RNF175: variants seen among roughly 807,000 people sequenced by gnomAD.
The protein encoded by RNF175 is ring finger protein 175.
A neutral mutation model predicts 50.0 loss-of-function variants in RNF175; 38 were observed. That is an observed-to-expected ratio of 0.76 (90% CI 0.59 to 1.00). RNF175 has a LOEUF of 1.00. Among genes scored for constraint, RNF175 ranks in the 50% least tolerant of loss-of-function variants. The pLI, the probability that RNF175 is intolerant of heterozygous loss-of-function variation, is 0.00. For missense variants in RNF175, 388 were observed against 409.6 expected, an observed-to-expected ratio of 0.95 and a Z score of 0.46; for synonymous variants, 155 against 146.1, an observed-to-expected ratio of 1.06 and a Z score of -0.44.
intron 2 of RNF175, 73 bp from the exon 3 acceptor site, chr4:153,748,859 A>G: frequency 7.2e-7 from 1 of 1,384,394 alleles, no homozygotes; most frequent in Non-Finnish European, 9.7e-7. Context: ...ACAAAAAACA[A>G]AAAACAAAAA....
chr4:153,756,936 C>A (rs747319610), intron 1 of RNF175, among the ~76,000 whole-genome samples: 22 of 152,320 alleles, frequency 1.4e-4, no homozygotes, highest in Non-Finnish European at 2.2e-4. Flanking sequence ...GCTCTCTTCC[C>A]TCTTCAAACA....
chr4:153,759,530 T>C (rs1185192022), intron 1 of RNF175, among the ~76,000 whole-genome samples: 3 of 151,262 alleles, frequency 2.0e-5, no homozygotes, highest in Admixed American at 6.6e-5. Flanking sequence ...AGAAGAGGGA[T>C]GGAGCGAAGG....
intron 5 of RNF175, among the ~76,000 whole-genome samples, chr4:153,721,760 A>G (rs1369916279): frequency 1.3e-5 from 2 of 152,162 alleles, no homozygotes; most frequent in Admixed American, 6.6e-5. Context: ...TAATCTGGGA[A>G]CAGCTATCGT....
intron 4 of RNF175, among the ~76,000 whole-genome samples, chr4:153,726,071 GTA>G (rs1305601891): frequency 9.7e-5 from 13 of 134,476 alleles, no homozygotes; most frequent in Middle Eastern, 3.8e-3. Context: ...GCTAGTGTGT[GTA>G]TGTGTGTGTG....
chr4:153,711,328 GACT>G (rs1258870226), intron 8 of RNF175, among the ~76,000 whole-genome samples: 3 of 151,894 alleles, frequency 2.0e-5, no homozygotes, highest in Non-Finnish European at 4.4e-5. Context: ...GAGTGGCACT[GACT>G]CACCGAGAAA....
chr4:153,721,047 A>C (rs1450310377), intron 5 of RNF175, among the ~76,000 whole-genome samples: 1 of 152,234 alleles, frequency 6.6e-6, no homozygotes, highest in Non-Finnish European at 1.5e-5. Flanking sequence ...CACATCTTGA[A>C]GCCCTTGATT....
Position 153,723,433 on chromosome 4 carries a change from T to C in RNF175, c.427A>G (p.Ile143Val). The C allele has an allele frequency of 6.2e-7, 1 of 1,601,274 alleles. No individual in the cohort carries two copies. Among genetic ancestry groups the C allele is most frequent in the South Asian group, 1.1e-5 (1 of 90,212 alleles). Residue 143 changes from isoleucine to valine, a missense_variant, in exon 5 of 9, where the codon ATC (isoleucine) becomes GTC (valine). By Grantham distance (29) the Ile-to-Val change is conservative. Coordinates refer to ENST00000347063, the MANE Select transcript of RNF175 (RefSeq NM_173662.4). ...CCAAATGCATAGCTGAGTTTGTAGATCAAAAGAAACCATTTGTAGACCAAT... is the reference window on the plus strand; with the variant it reads ...CCAAATGCATAGCTGAGTTTGTAGACCAAAAGAAACCATTTGTAGACCAAT... ...PRLVYKWFLL[I>V]YKLSYAFGVV...
At chr4:153,723,071 G>A (rs966624760) in intron 5 of RNF175, 1 of 211,258 alleles carries the variant, frequency 4.7e-6, no homozygotes. Flanking sequence ...AATTACTCTA[G>A]CACAATTGTA....
intron 3 of RNF175, among the ~76,000 whole-genome samples, chr4:153,738,778 A>C (rs2127141996): frequency 6.6e-6 from 1 of 152,262 alleles, no homozygotes; most frequent in Admixed American, 6.5e-5. Flanking sequence ...TATTTGTTGC[A>C]CTTGTTCCTT....
chr4:153,750,465 TCA>T (rs1740226539), intron 2 of RNF175, among the ~76,000 whole-genome samples: 2 of 152,206 alleles, frequency 1.3e-5, no homozygotes, highest in African/African-American at 4.8e-5. Context: ...CTGCTCAAGT[TCA>T]GTTTCTTTGA....
chr4:153,737,022 C>A (rs915622241), intron 3 of RNF175, among the ~76,000 whole-genome samples: 18 of 152,198 alleles, frequency 1.2e-4, no homozygotes, highest in Middle Eastern at 3.4e-3. Context: ...TGATGCCTGG[C>A]TAATTTTCAA....
At chr4:153,723,184 CCTTT>C in intron 5 of RNF175, 163 bp downstream of exon 5, 1 of 416,502 alleles carries the variant, frequency 2.4e-6, no homozygotes, top group Non-Finnish European at 4.4e-6. Flanking sequence ...TTCTTTCTTC[CCTTT>C]CTATTGGTTT....
At chr4:153,721,608 T>C (rs1225252869) in intron 5 of RNF175, among the ~76,000 whole-genome samples, 1 of 152,196 alleles carries the variant, frequency 6.6e-6, no homozygotes, top group East Asian at 1.9e-4. Context: ...AACACACTTG[T>C]GGCTCCCTAG....
intron 4 of RNF175, among the ~76,000 whole-genome samples, chr4:153,726,945 A>C (rs1230370675): frequency 6.6e-6 from 1 of 152,228 alleles, no homozygotes; most frequent in East Asian, 1.9e-4. Context: ...CAAGCCATAA[A>C]GGGTAATGAG....
At chr4:153,758,085 A>G (rs1240287704) in intron 1 of RNF175, among the ~76,000 whole-genome samples, 1 of 152,132 alleles carries the variant, frequency 6.6e-6, no homozygotes, top group East Asian at 1.9e-4. Flanking sequence ...ACACACATAG[A>G]CATACTTCAG....
intron 3 of RNF175, among the ~76,000 whole-genome samples, chr4:153,735,108 T>G (rs6848765): frequency 0.47 from 71,125 of 151,972 alleles, 17,364 homozygotes; most frequent in East Asian, 0.82. Flanking sequence ...AGTAAACCTA[T>G]ATTTTTTTCC....
At chr4:153,718,233 TGTTTG>T (rs1367767758) in intron 6 of RNF175, among the ~76,000 whole-genome samples, 1,994 of 68,438 alleles carry the variant, frequency 0.029, 313 homozygotes, top group African/African-American at 0.084. Flanking sequence ...TTTGTTTGTT[TGTTTG>T]TTTTTTTTTT....
intron 3 of RNF175, among the ~76,000 whole-genome samples, chr4:153,735,585 T>C (rs1324240785): frequency 1.3e-5 from 2 of 152,192 alleles, no homozygotes; most frequent in Non-Finnish European, 2.9e-5. Flanking sequence ...TTAGTTGAGA[T>C]TGTGTTTAAT....
intron 1 of RNF175, among the ~76,000 whole-genome samples, chr4:153,758,994 C>T (rs1740691286): frequency 1.3e-5 from 2 of 152,154 alleles, no homozygotes; most frequent in Admixed American, 1.3e-4. Context: ...TTCCTACCCG[C>T]TCTGTGAGTG....
Sources: gnomAD v4.1 joint callset for allele counts (sites outside exome capture counted in the v4.1 genomes callset) on GRCh38, gnomAD v4.1.1 for gene constraint, MANE v1.5 for transcripts, NCBI Gene and HGNC (gene_info 2026-07-23, HGNC 2026-07-21) for gene names.